The following MEIS1 variants were observed in gnomAD, a reference collection of about 807,000 sequenced individuals.
The protein encoded by MEIS1 is homeobox protein Meis1.
A neutral mutation model predicts 50.8 loss-of-function variants in MEIS1; 5 were observed. That is an observed-to-expected ratio of 0.10 (90% confidence interval 0.05 to 0.21). The LOEUF is 0.21. MEIS1 is among the 10% of genes least tolerant of loss of function. The pLI is 1.00. For synonymous variants in MEIS1, 176 were observed against 179.3 expected (o/e 0.98, Z 0.15); for missense variants, 318 against 517.3 (o/e 0.61, Z 3.74).
intron 9 of MEIS1, among the ~76,000 whole-genome samples, chr2:66,559,588 T>C (rs1427366905): frequency 6.6e-6 from 1 of 152,218 alleles, no homozygotes; most frequent in Admixed American, 6.5e-5. Flanking sequence ...GAGACACTTC[T>C]GTTCTTTGAA....
At chr2:66,501,430 A>AT (rs1043535977) in intron 7 of MEIS1, among the ~76,000 whole-genome samples, 1 of 151,596 alleles carries the variant, frequency 6.6e-6, no homozygotes, top group Non-Finnish European at 1.5e-5. Flanking sequence ...TTTTGCAGGG[A>AT]TTTTTTCAGG....
intron 6 of MEIS1, 97 bp downstream of exon 6, chr2:66,443,145 T>C (rs1672040653): frequency 7.5e-7 from 1 of 1,327,740 alleles, no homozygotes; most frequent in Non-Finnish European, 1.0e-6. Context: ...TATTTGCATA[T>C]GATTAAGTCC....
intron 3 of MEIS1, 164 bp downstream of exon 3, chr2:66,440,148 T>G (rs1015648375): frequency 1.4e-6 from 1 of 692,660 alleles, no homozygotes; most frequent in African/African-American, 1.8e-5. Context: ...GCATGTTACC[T>G]CCAACCTCAG....
intron 7 of MEIS1, among the ~76,000 whole-genome samples, chr2:66,476,245 C>G (rs565046691): frequency 6.6e-6 from 1 of 152,230 alleles, no homozygotes; most frequent in South Asian, 2.1e-4. Context: ...ATGACTTCAG[C>G]CTATAAAGCT....
rs1672763204 is a variant in MEIS1, at chr2:66,471,643, AT to A, written c.742+7424del. ...TAAGAAATAAGTAGTAAGGAAGTAT[AT>A]GAATAATGATGTTGTGTCAGTTCAT... On this transcript the variant is annotated intron_variant, in intron 7 of 12. Transcript: ENST00000272369. Among the ~76,000 whole-genome samples, 6 of 152,264 alleles carry A rather than the reference AT, an allele frequency of 3.9e-5. No individual in the cohort carries two copies. The South Asian group carries it at 1.2e-3, about 31-fold the overall frequency.
Position 66,435,303 on chromosome 2 carries a change from G to GAGAA in MEIS1, c.-546_-543dup, listed in dbSNP as rs969562196. 3 of 155,824 alleles carry GAGAA rather than the reference G, an allele frequency of 1.9e-5. No homozygotes were observed. The highest frequency in any genetic ancestry group is 2.8e-5 in the Non-Finnish European group (2 of 70,622). The allele number at this position is 155,824 out of a possible 1,614,324, so 9.7% of individuals were successfully genotyped here. A position where few individuals can be genotyped will look rare whatever the true frequency, so the allele number is the denominator to read the frequency against. ...ACTTGCAAAGAGGGAGAGAGAGGGA[G>GAGAA]AGAAAGAAAGAGAGAGAGAGAAGAG... On this transcript the variant is annotated 5_prime_UTR_variant, in exon 1 of 13. Transcript: ENST00000272369.
At chr2:66,537,329 A>G (rs1674545419) in intron 8 of MEIS1, among the ~76,000 whole-genome samples, 1 of 152,216 alleles carries the variant, frequency 6.6e-6, no homozygotes, top group Admixed American at 6.5e-5. Flanking sequence ...TGCTGTTTGT[A>G]TGCCGTCTTG....
chr2:66,480,110 A>T (rs1672982722), intron 7 of MEIS1, among the ~76,000 whole-genome samples: 1 of 152,224 alleles, frequency 6.6e-6, no homozygotes, highest in African/African-American at 2.4e-5. Flanking sequence ...CAGGGAAAAA[A>T]TTCAAATGCT....
At chr2:66,479,883 T>G (rs1198749972) in intron 7 of MEIS1, among the ~76,000 whole-genome samples, 1 of 152,242 alleles carries the variant, frequency 6.6e-6, no homozygotes, top group African/African-American at 2.4e-5. Context: ...TTTAAAAATC[T>G]CACTGCATTT....
At chr2:66,439,006 G>C (rs1458464997) in intron 2 of MEIS1, 1 of 152,092 alleles carries the variant, frequency 6.6e-6, no homozygotes, top group Middle Eastern at 3.2e-3. Context: ...CAGCTGAGCT[G>C]TGAGAGCTAA....
intron 2 of MEIS1, chr2:66,439,305 TC>T: frequency 8.9e-7 from 1 of 1,121,248 alleles, no homozygotes. Flanking sequence ...GGGGTTGGGA[TC>T]CCTAGGTGCA....
chr2:66,484,805 C>T (rs887053910), intron 7 of MEIS1, among the ~76,000 whole-genome samples: 1 of 152,090 alleles, frequency 6.6e-6, no homozygotes, highest in Non-Finnish European at 1.5e-5. Context: ...GGTGATCCAC[C>T]AGCCTTGGCC....
At chr2:66,444,696 G>C (rs1672086183) in intron 6 of MEIS1, among the ~76,000 whole-genome samples, 1 of 152,178 alleles carries the variant, frequency 6.6e-6, no homozygotes, top group Non-Finnish European at 1.5e-5. Flanking sequence ...GGTTCAGCCC[G>C]CCAGCCCTGG....
At chr2:66,496,891 A>G (rs1673418449) in intron 7 of MEIS1, among the ~76,000 whole-genome samples, 1 of 152,010 alleles carries the variant, frequency 6.6e-6, no homozygotes, top group African/African-American at 2.4e-5. Flanking sequence ...ATTCTTGTGA[A>G]CTTTCTCTGG....
chr2:66,439,184 A>C (rs1195066137), intron 2 of MEIS1: 42 of 632,976 alleles, frequency 6.6e-5, no homozygotes, highest in South Asian at 1.4e-4. Flanking sequence ...GAAAGGCTCT[A>C]CTGCAGGAAC....
chr2:66,555,829 T>A (rs1675049030), intron 9 of MEIS1, among the ~76,000 whole-genome samples: 1 of 152,138 alleles, frequency 6.6e-6, no homozygotes, highest in African/African-American at 2.4e-5. Context: ...GCCTGAAATA[T>A]TAAAAAATGG....
Position 66,572,689 on chromosome 2 carries a change from A to G in MEIS1, c.*1481A>G, listed in dbSNP as rs371273758. The G allele has an allele frequency of 6.6e-5, 10 of 152,340 alleles. No homozygotes were observed. In the East Asian group the frequency reaches 9.7e-4, roughly 15 times the overall value. 9.4% of individuals were successfully genotyped at this position (152,340 alleles called of 1,614,324 possible). A position where few individuals can be genotyped will look rare whatever the true frequency, so the allele number is the denominator to read the frequency against. On this transcript the variant is annotated 3_prime_UTR_variant, in exon 13 of 13. Transcript: ENST00000272369. The stretch of plus-strand genomic sequence containing the variant: ...CAGTTTGGATTGTATAATAACGCCA[A>G]GCCCAGTTGTAGTCGTTTGAGTGCA...
chr2:66,483,800 G>A (rs1043879937), intron 7 of MEIS1, among the ~76,000 whole-genome samples: 3 of 152,170 alleles, frequency 2.0e-5, no homozygotes, highest in Non-Finnish European at 4.4e-5. Context: ...TCTTCTTGAT[G>A]GTCAGATTGG....
At position 66,435,807 on chromosome 2, in the gene MEIS1, T is replaced by A; in HGVS notation, c.-50T>A. Reference sequence around the variant, plus strand: ...ATATTTGTTTCTTTTCACACTGGCCTTAAAGAGGATATATTAGAAGTTGAA... The same window carrying A: ...ATATTTGTTTCTTTTCACACTGGCCATAAAGAGGATATATTAGAAGTTGAA... On this transcript the variant is annotated 5_prime_UTR_variant, in exon 1 of 13. Transcript: ENST00000272369. 1 of 1,445,774 alleles carries A rather than the reference T, an allele frequency of 6.9e-7. No individual in the cohort carries two copies. Among genetic ancestry groups the A allele is most frequent in the Non-Finnish European group, 9.4e-7 (1 of 1,065,968 alleles). 89.6% of individuals were successfully genotyped at this position (1,445,774 alleles called of 1,614,324 possible).
Sources: gnomAD v4.1 joint callset for allele counts (sites outside exome capture counted in the v4.1 genomes callset) on GRCh38, gnomAD v4.1.1 for gene constraint, MANE v1.5 for transcripts, NCBI Gene and HGNC (gene_info 2026-07-23, HGNC 2026-07-21) for gene names.